The following CCL3L3 variants were observed in gnomAD, a reference collection of about 807,000 sequenced individuals.
CCL3L3 encodes C-C motif chemokine 3-like 1.
Under a neutral mutation model 9.0 loss-of-function variants are expected in CCL3L3, and 6 were observed. The ratio of observed to expected loss-of-function variants is 0.67; its 90% CI spans 0.37 to 1.32. CCL3L3 has a LOEUF of 1.32. Among genes scored for constraint, CCL3L3 ranks in the 40% most tolerant of loss-of-function variants. The pLI, the probability that CCL3L3 is intolerant of heterozygous loss-of-function variation, is 0.02. For synonymous variants in CCL3L3, 38 were observed against 45.7 expected (o/e 0.83, Z 0.68); for missense variants, 93 against 117.0 (o/e 0.79, Z 0.95).
chr17:36,196,200 C>G, intron 1 of CCL3L3: 1 of 631,474 alleles, frequency 1.6e-6, no homozygotes, highest in Non-Finnish European at 2.9e-6. Context: ...TACCCCAGCC[C>G]AAGAGAAGCC....
rs1398892679 is a variant in CCL3L3, at chr17:36,194,993, C to G, written c.*293G>C. The G allele has an allele frequency of 2.5e-6, 1 of 393,360 alleles. No individual in the cohort carries two copies. The highest frequency in any genetic ancestry group is 3.4e-5 in the East Asian group (1 of 29,396). 24.4% of individuals were successfully genotyped at this position (393,360 alleles called of 1,614,324 possible). Reference sequence around the variant, plus strand: ...CATGACTGCCTACACAGGCCGATGACAGCCACTCGGTTGTCACCAGACACA... The same window carrying G: ...CATGACTGCCTACACAGGCCGATGAGAGCCACTCGGTTGTCACCAGACACA... On this transcript the variant is annotated 3_prime_UTR_variant, in exon 3 of 3. Transcript: ENST00000619989.
chr17:36,196,027 G>T (rs2068617518), intron 1 of CCL3L3, 115 bp from the exon 2 acceptor site: 4 of 1,207,894 alleles, frequency 3.3e-6, no homozygotes, highest in Non-Finnish European at 4.9e-6. Context: ...TGACTGCAAG[G>T]CATTTGGGGG....
Position 36,196,212 on chromosome 17 carries a change from T to C in CCL3L3, c.77-300A>G, listed in dbSNP as rs1321579998. The C allele has an allele frequency of 1.2e-4, 76 of 636,992 alleles. 10 individuals are homozygous for C. The highest frequency in any genetic ancestry group is 2.1e-4 in the Admixed American group (10 of 46,548). 39.5% of individuals were successfully genotyped at this position (636,992 alleles called of 1,614,324 possible). On this transcript the variant is annotated intron_variant, in intron 1 of 2. Transcript: ENST00000619989. ...TCATACCCCAGCCCAAGAGAAGCCC[T>C]GGACATCTCTCATAAGACATCCAAG...
intron 1 of CCL3L3, 55 bp from the exon 2 acceptor site, chr17:36,195,967 C>T: frequency 1.6e-6 from 2 of 1,231,262 alleles, no homozygotes; most frequent in Non-Finnish European, 2.2e-6. Flanking sequence ...AAAGGCCAGG[C>T]AGCTTCTGAT....
chr17:36,196,342 G>C, intron 1 of CCL3L3: 1 of 687,366 alleles, frequency 1.5e-6, no homozygotes, highest in Admixed American at 2.1e-5. Context: ...GATTCGTTTT[G>C]AACCCTGTTT....
At chr17:36,195,721 T>C in intron 2 of CCL3L3, 77 bp downstream of exon 2, 1 of 1,510,138 alleles carries the variant, frequency 6.6e-7, no homozygotes, top group Non-Finnish European at 9.2e-7. Flanking sequence ...CTTTCCAGGA[T>C]GGCCTTCTGG....
Position 36,195,082 on chromosome 17 carries a change from A to T in CCL3L3, c.*204T>A. 1.7e-6 allele frequency: 1 copy of T among 585,252 alleles called. No homozygotes were observed. The highest frequency in any genetic ancestry group is 3.0e-6 in the Non-Finnish European group (1 of 336,368). 36.3% of individuals were successfully genotyped at this position (585,252 alleles called of 1,614,324 possible). A position where few individuals can be genotyped will look rare whatever the true frequency, so the allele number is the denominator to read the frequency against. On this transcript the variant is annotated 3_prime_UTR_variant, in exon 3 of 3. Transcript: ENST00000619989. ...AGCAAACAATCACAAACACACTGTG[A>T]AATCAAAAATAAATTATAAAAACTA...
intron 1 of CCL3L3, 136 bp from the exon 2 acceptor site, chr17:36,196,048 G>C: frequency 4.0e-6 from 4 of 1,004,592 alleles, no homozygotes; most frequent in Non-Finnish European, 6.2e-6. Context: ...GTTTTGCAGA[G>C]AAATGTCTCT....
chr17:36,195,342 C>G lies in CCL3L3; in HGVS notation c.226G>C (p.Asp76His). ...LTKRGRQVCADPSEEWVQKYV... is the reference protein window; with the variant it reads ...LTKRGRQVCAHPSEEWVQKYV... The stretch of plus-strand genomic sequence containing the variant: ...TTCTGGACCCACTCCTCACTGGGGT[C>G]AGCACAGACCTGCCGGCCTCTCTTG... Residue 76 changes from aspartate to histidine, a missense_variant, in exon 3 of 3, where the codon GAC (aspartate) becomes CAC (histidine). Physicochemically the swap from Asp to His is moderately conservative, Grantham distance 81. Transcript: ENST00000619989. The G allele has an allele frequency of 6.3e-7, 1 of 1,582,792 alleles. No individual in the cohort carries two copies. The highest frequency in any genetic ancestry group is 8.6e-7 in the Non-Finnish European group (1 of 1,157,746).
Position 36,196,576 on chromosome 17 carries a change from CACA to C in CCL3L3, c.76+19_76+21del, listed in dbSNP as rs1241670871. 5 of 1,578,992 alleles carry C rather than the reference CACA, an allele frequency of 3.2e-6. 1 individual carries two copies. In the South Asian group the frequency reaches 3.4e-5, roughly 11 times the overall value. Reference sequence around the variant, plus strand: ...ACCATGGCCAGAGAGTGGTGATACCCACAACAACAACATGGACTCACGTGGTGC... The same window carrying C: ...ACCATGGCCAGAGAGTGGTGATACCCACAACAACATGGACTCACGTGGTGC... On this transcript the variant is annotated intron_variant, in intron 1 of 2. Transcript: ENST00000619989.
Position 36,196,178 on chromosome 17 carries a change from T to C in CCL3L3, c.77-266A>G, listed in dbSNP as rs2068619261. Reference sequence around the variant, plus strand: ...AGCTCTCTTCATGGAATTTTGTCGGTTCAAGAAGTCATACCCCAGCCCAAG... The same window carrying C: ...AGCTCTCTTCATGGAATTTTGTCGGCTCAAGAAGTCATACCCCAGCCCAAG... On this transcript the variant is annotated intron_variant, in intron 1 of 2. Transcript: ENST00000619989. 1.1e-5 allele frequency: 7 copies of C among 630,030 alleles called. No individual in the cohort carries two copies. The South Asian group carries it at 1.2e-4, about 11-fold the overall frequency. The allele number at this position is 630,030 out of a possible 1,614,324, so 39.0% of individuals were successfully genotyped here.
rs2142208979 is a variant in CCL3L3, at chr17:36,196,380, C to T, written c.76+218G>A. ...CTATCTGTACAAGGGACTGTAACTC[C>T]CCTGCCCCTGCCTAGATTCTCATAC... On this transcript the variant is annotated intron_variant, in intron 1 of 2. Transcript: ENST00000619989. 3 of 728,604 alleles carry T rather than the reference C, an allele frequency of 4.1e-6. No homozygotes were observed. In the East Asian group the frequency reaches 8.0e-5, roughly 19 times the overall value. The allele number at this position is 728,604 out of a possible 1,614,324, so 45.1% of individuals were successfully genotyped here. A position where few individuals can be genotyped will look rare whatever the true frequency, so the allele number is the denominator to read the frequency against.
chr17:36,195,516 T>G, intron 2 of CCL3L3, 140 bp from the exon 3 acceptor site: 1 of 1,230,616 alleles, frequency 8.1e-7, no homozygotes, highest in Non-Finnish European at 1.2e-6. Flanking sequence ...CCTATCTCCG[T>G]CTAGAGAGCT....
chr17:36,195,507 C>T (rs2068611109), intron 2 of CCL3L3, 131 bp from the exon 3 acceptor site: 4 of 1,274,470 alleles, frequency 3.1e-6, no homozygotes, highest in East Asian at 2.3e-5. Context: ...GGCCCCCTGC[C>T]TATCTCCGTC....
chr17:36,195,069 C>G lies in CCL3L3; in HGVS notation c.*217G>C, dbSNP rs1249174982. 10 of 552,456 alleles carry G rather than the reference C, an allele frequency of 1.8e-5. 1 individual carries two copies. Among genetic ancestry groups the G allele is most frequent in the Non-Finnish European group, 2.2e-5 (7 of 313,330 alleles). 34.2% of individuals were successfully genotyped at this position (552,456 alleles called of 1,614,324 possible). ...GGGGAACTCTCAGAGCAAACAATCA[C>G]AAACACACTGTGAAATCAAAAATAA... On this transcript the variant is annotated 3_prime_UTR_variant, in exon 3 of 3. Transcript: ENST00000619989.
chr17:36,196,061 G>A (rs1313231624), intron 1 of CCL3L3, 149 bp from the exon 2 acceptor site: 3 of 924,282 alleles, frequency 3.2e-6, no homozygotes, highest in African/African-American at 2.9e-5. Context: ...ATGTCTCTTT[G>A]TTTCTGTCTA....
intron 2 of CCL3L3, 190 bp downstream of exon 2, chr17:36,195,608 A>G: frequency 9.6e-7 from 1 of 1,036,984 alleles, no homozygotes; most frequent in South Asian, 1.3e-5. Flanking sequence ...GGCCTGGGGC[A>G]GCCCTTCCTG....
At position 36,196,729 on chromosome 17, in the gene CCL3L3, C is replaced by T; in HGVS notation, c.-56G>A. The T allele has an allele frequency of 6.5e-7, 1 of 1,535,892 alleles. No individual in the cohort carries two copies. Among genetic ancestry groups the T allele is most frequent in the South Asian group, 1.1e-5 (1 of 87,324 alleles). On this transcript the variant is annotated 5_prime_UTR_variant, in exon 1 of 3. Coordinates refer to ENST00000619989, the MANE Select transcript of CCL3L3 (RefSeq NM_001001437.4). ...GAGTGTCAGCAGAGCCAAGAAGGGA[C>T]TGACTACTCTTTGCTGCCTGCGTCC...
Position 36,196,647 on chromosome 17 carries a change from G to C in CCL3L3, c.27C>G (p.Ala9=). The C allele has an allele frequency of 6.3e-7, 1 of 1,580,992 alleles. No homozygotes were observed. The highest frequency in any genetic ancestry group is 8.6e-7 in the Non-Finnish European group (1 of 1,156,390). ...AGAGAGCCATGGTGCAGAGGAGGACGGCAAGGGCAGCAGTGGAGACCTGCA... is the reference window on the plus strand; with the variant it reads ...AGAGAGCCATGGTGCAGAGGAGGACCGCAAGGGCAGCAGTGGAGACCTGCA... MQVSTAAL[A]VLLCTMALCN... The change falls in exon 1 of 3, where the codon GCC becomes GCG. Residue 9 remains alanine (A), a synonymous_variant. Coordinates refer to ENST00000619989, the MANE Select transcript of CCL3L3 (RefSeq NM_001001437.4).
Sources: gnomAD v4.1 joint callset for allele counts on GRCh38, gnomAD v4.1.1 for gene constraint, MANE v1.5 for transcripts, NCBI Gene and HGNC (gene_info 2026-07-23, HGNC 2026-07-21) for gene names.